NRDC: variants seen among roughly 807,000 people sequenced by gnomAD.
NRDC encodes nardilysin.
A neutral mutation model predicts 147.1 loss-of-function variants in NRDC; 54 were observed. The ratio of observed to expected loss-of-function variants is 0.37; its 90% CI spans 0.29 to 0.46. The LOEUF (loss-of-function observed/expected upper bound fraction) is 0.46. Ranked by LOEUF, NRDC falls within the 20% of genes least tolerant of loss-of-function variation. The pLI, the probability that NRDC is intolerant of heterozygous loss-of-function variation, is 1.00. For missense variants in NRDC, 1,082 were observed against 1,370.6 expected (o/e 0.79, Z 3.33); for synonymous variants, 440 against 482.1 (o/e 0.91, Z 1.14).
At position 51,836,228 on chromosome 1, in the gene NRDC, C is replaced by T; in HGVS notation, c.631-16G>A. 1.2e-6 allele frequency: 2 copies of T among 1,612,804 alleles called. No individual in the cohort carries two copies. The highest frequency in any genetic ancestry group is 1.7e-6 in the Non-Finnish European group (2 of 1,178,808). On this transcript the variant is annotated splice_polypyrimidine_tract_variant and intron_variant, in intron 2 of 30. Transcript: ENST00000352171. Reference sequence around the variant, plus strand: ...CCGCTGCAGACTGGAGTAATTAGAACACATACAAATAGTTGAGTCAACCCT... The same window carrying T: ...CCGCTGCAGACTGGAGTAATTAGAATACATACAAATAGTTGAGTCAACCCT...
chr1:51,816,345 C>T lies in NRDC; in HGVS notation c.1406G>A (p.Gly469Asp). The T allele has an allele frequency of 6.2e-7, 1 of 1,600,266 alleles. No homozygotes were observed. The highest frequency in any genetic ancestry group is 2.3e-5 in the East Asian group (1 of 44,346). Residue 469 changes from glycine (G) to aspartate (D), a missense_variant, in exon 11 of 31, where the codon GGC becomes GAC. This residue lies in a region of NRDC where 635 missense variants were observed against 923.8 expected (regional missense o/e 0.69). Coordinates refer to ENST00000352171, the MANE Select transcript of NRDC (RefSeq NM_001101662.2). ...AAGGAAAGAAAGAATGCTGCCTTTG[C>T]CTTCATGTCCAACCAGCCAGGATAT... ...HYISWLVGHE[G>D]KGSILSFLRK...
intron 20 of NRDC, chr1:51,801,261 CT>C (rs11364979): frequency 0.74 from 112,767 of 152,032 alleles, 42,497 homozygotes; most frequent in East Asian, 0.98. Context: ...ATTTTATTGG[CT>C]TTTTTTTCTC....
intron 1 of NRDC, among the ~76,000 whole-genome samples, chr1:51,846,255 G>C (rs1406905874): frequency 6.6e-6 from 1 of 151,974 alleles, no homozygotes; most frequent in Non-Finnish European, 1.5e-5. Flanking sequence ...TGGGACCACA[G>C]GCGTGCACCA....
rs1019917401 is a variant in NRDC, at chr1:51,847,415, G to A, written c.342-6901C>T. The stretch of plus-strand genomic sequence containing the variant: ...CCTTGGGCGATGGATGGGACTGGGC[G>A]CCGTGGAGCAGGGGGCGGCGCTCGT... On this transcript the variant is annotated intron_variant, in intron 1 of 30. Coordinates refer to ENST00000352171, the MANE Select transcript of NRDC (RefSeq NM_001101662.2). Among the ~76,000 whole-genome samples, 7 of 152,370 alleles carry A rather than the reference G, an allele frequency of 4.6e-5. 1 individual carries two copies. The highest frequency in any genetic ancestry group is 2.1e-4 in the South Asian group (1 of 4,832).
At chr1:51,869,895 A>T (rs554944720) in intron 1 of NRDC, among the ~76,000 whole-genome samples, 1 of 152,276 alleles carries the variant, frequency 6.6e-6, no homozygotes, top group East Asian at 1.9e-4. Flanking sequence ...TTGCTTTAAA[A>T]CTGGCCAAAA....
chr1:51,793,721 G>A (rs2149185671), intron 24 of NRDC, among the ~76,000 whole-genome samples: 1 of 152,298 alleles, frequency 6.6e-6, no homozygotes, highest in South Asian at 2.1e-4. Flanking sequence ...ACAAAGAAGT[G>A]AATTCCTGAT....
intron 22 of NRDC, 161 bp downstream of exon 22, chr1:51,798,085 TAAG>T (rs1180579015): frequency 2.2e-5 from 14 of 623,136 alleles, no homozygotes; most frequent in Non-Finnish European, 3.5e-5. Flanking sequence ...GTCTTCATCT[TAAG>T]AAGAAAGCTG....
chr1:51,827,846 G>C lies in NRDC; in HGVS notation c.890C>G (p.Pro297Arg). The C allele has an allele frequency of 6.2e-7, 1 of 1,613,866 alleles. No individual in the cohort carries two copies. Residue 297 changes from proline to arginine, a missense_variant, in exon 5 of 31, where the codon CCA (proline) becomes CGA (arginine). Around this residue, in one of 3 missense-constraint regions of NRDC, gnomAD observed 635 missense variants for 923.8 expected, o/e 0.69. Coordinates refer to ENST00000352171, the MANE Select transcript of NRDC (RefSeq NM_001101662.2). The part of the protein sequence containing the change: ...LDRWAQFFIH[P>R]LMIRDAIDRE... ...GTCAATTGCATCTCTGATCATTAGT[G>C]GGTGGATGAAGAACTGCGCCCATCT... is the stretch of plus-strand genomic sequence containing the variant.
chr1:51,806,620 T>A (rs1679475969), intron 18 of NRDC, among the ~76,000 whole-genome samples, 174 bp downstream of exon 18: 1 of 152,148 alleles, frequency 6.6e-6, no homozygotes, highest in African/African-American at 2.4e-5. Flanking sequence ...TTTTACTTAT[T>A]TTACTCCTTT....
At chr1:51,852,345 TAGTA>T (rs1681993348) in intron 1 of NRDC, among the ~76,000 whole-genome samples, 1 of 151,802 alleles carries the variant, frequency 6.6e-6, no homozygotes, top group Non-Finnish European at 1.5e-5. Context: ...AAAAATCTGA[TAGTA>T]AGAGATTTGA....
chr1:51,809,398 A>G lies in NRDC; in HGVS notation c.1907T>C (p.Ile636Thr), dbSNP rs780699826. 1.9e-6 allele frequency: 3 copies of G among 1,604,830 alleles called. No individual in the cohort carries two copies. Among genetic ancestry groups the G allele is most frequent in the Non-Finnish European group, 2.6e-6 (3 of 1,171,544 alleles). The change falls in exon 17 of 31, where the codon ATT becomes ACT. Residue 636 changes from isoleucine (I) to threonine (T), a missense_variant. Physicochemically the swap from Ile to Thr is moderately conservative, Grantham distance 89. This residue lies in a region of NRDC where 635 missense variants were observed against 923.8 expected (regional missense o/e 0.69). Transcript: ENST00000352171. ...WFGTQYSIEDIENSWAELWNS... is the reference protein window; with the variant it reads ...WFGTQYSIEDTENSWAELWNS... ...CCACAGTTCAGCCCAAGAGTTTTCAATATCTGTAAAGGAGAAAAATAAACT... is the reference window on the plus strand; with the variant it reads ...CCACAGTTCAGCCCAAGAGTTTTCAGTATCTGTAAAGGAGAAAAATAAACT...
chr1:51,803,320 C>T (rs1355841194), intron 20 of NRDC, among the ~76,000 whole-genome samples: 2 of 151,966 alleles, frequency 1.3e-5, no homozygotes, highest in African/African-American at 4.8e-5. Flanking sequence ...ACTAAAAATA[C>T]AAAAATTAGC....
At position 51,840,402 on chromosome 1, in the gene NRDC, CTT is replaced by C; in HGVS notation, c.452_453del (p.Glu151GlyfsTer5). 2 of 1,574,994 alleles carry C rather than the reference CTT, an allele frequency of 1.3e-6. No individual in the cohort carries two copies. Among genetic ancestry groups the C allele is most frequent in the Non-Finnish European group, 1.7e-6 (2 of 1,144,636 alleles). ...TDDEEEEEVE[E>X]EEEDDDEDSG... is the part of the protein sequence containing the mutation. ...GAATCTTCATCATCATCTTCTTCTTCTTCCTCCACCTCCTCTTCTTCTTCATC... is the reference window on the plus strand; with the variant it reads ...GAATCTTCATCATCATCTTCTTCTTCCCTCCACCTCCTCTTCTTCTTCATC... On this transcript the variant is annotated frameshift_variant, in exon 2 of 31. Coordinates refer to ENST00000352171, the MANE Select transcript of NRDC (RefSeq NM_001101662.2). LOFTEE classifies it high-confidence loss of function.
chr1:51,811,360 C>T (rs1679705314), intron 15 of NRDC, among the ~76,000 whole-genome samples: 2 of 152,178 alleles, frequency 1.3e-5, no homozygotes, highest in Admixed American at 6.5e-5. Flanking sequence ...CTGGCTTCCA[C>T]CCACTGGATC....
intron 2 of NRDC, among the ~76,000 whole-genome samples, chr1:51,836,944 C>CTTTT (rs201636652): frequency 7.8e-6 from 1 of 128,204 alleles, no homozygotes; most frequent in African/African-American, 2.9e-5. Context: ...ATGATTGGGA[C>CTTTT]TTTTTTTTTT....
chr1:51,796,002 CCCAAGTA>C (rs1045095751), intron 22 of NRDC, among the ~76,000 whole-genome samples: 1 of 151,620 alleles, frequency 6.6e-6, no homozygotes, highest in African/African-American at 2.4e-5. Flanking sequence ...CACCTCAGCC[CCCAAGTA>C]GCTGAGATTA....
intron 27 of NRDC, 79 bp downstream of exon 27, chr1:51,791,499 A>C (rs753022407): frequency 3.4e-5 from 42 of 1,234,928 alleles, no homozygotes; most frequent in Non-Finnish European, 4.8e-5. Flanking sequence ...AGGGTTGCCC[A>C]AGGTTTAAGG....
intron 1 of NRDC, among the ~76,000 whole-genome samples, chr1:51,845,256 G>A (rs1469255052): frequency 3.3e-5 from 5 of 152,174 alleles, no homozygotes; most frequent in Non-Finnish European, 7.4e-5. Context: ...CCCAGATAAA[G>A]TATGTGCCCG....
chr1:51,798,259 A>C lies in NRDC; in HGVS notation c.2594T>G (p.Val865Gly), dbSNP rs375581682. 128 of 1,614,072 alleles carry C rather than the reference A, an allele frequency of 7.9e-5. No homozygotes were observed. Among genetic ancestry groups the C allele is most frequent in the Non-Finnish European group, 1.0e-4 (119 of 1,180,036 alleles). ...LFVEGLVQGN[V>G]TSTESMDFLK... Reference sequence around the variant, plus strand: ...GCATCTCACACTCACTGTGCTTGTGACATTCCCTTGTACCAGGCCCTCCAC... The same window carrying C: ...GCATCTCACACTCACTGTGCTTGTGCCATTCCCTTGTACCAGGCCCTCCAC... Residue 865 changes from valine (V) to glycine (G), a missense_variant, in exon 22 of 31, where the codon GTC becomes GGC. This residue lies in a region of NRDC where 635 missense variants were observed against 923.8 expected (regional missense o/e 0.69). Coordinates refer to ENST00000352171, the MANE Select transcript of NRDC (RefSeq NM_001101662.2).
Sources: allele counts gnomAD v4.1 joint callset (sites outside exome capture counted in the v4.1 genomes callset), GRCh38; gene constraint gnomAD v4.1.1; regional missense constraint gnomAD v4.1.1; transcripts MANE v1.5; gene names NCBI Gene and HGNC (gene_info 2026-07-23, HGNC 2026-07-21).